Variants in CDC14B observed in about 807,000 individuals in gnomAD.
CDC14B encodes the protein dual specificity protein phosphatase CDC14B.
CDC14B carries 22 observed loss-of-function variants against 64.2 expected under a neutral mutation model. The observed-to-expected ratio is 0.34, with a 90% CI of 0.24 to 0.49. The LOEUF is 0.49. Ranked by LOEUF, CDC14B falls within the 20% of genes least tolerant of loss-of-function variation. The probability of loss-of-function intolerance (pLI) is 0.99; values close to 1 mark genes in which losing one functional copy is unlikely to be tolerated. For missense variants in CDC14B, 498 were observed against 629.9 expected (o/e 0.79, Z 2.24); for synonymous variants, 191 against 215.8 (o/e 0.89, Z 1.01).
At chr9:96,530,273 G>A (rs1022236970) in intron 9 of CDC14B, among the ~76,000 whole-genome samples, 3 of 149,920 alleles carry the variant, frequency 2.0e-5, no homozygotes, top group South Asian at 4.2e-4. Flanking sequence ...GTGTGTGTGC[G>A]TAATCTTGAG....
At chr9:96,605,381 A>T (rs1266348360) in intron 1 of CDC14B, among the ~76,000 whole-genome samples, 2 of 152,090 alleles carry the variant, frequency 1.3e-5, no homozygotes, top group Non-Finnish European at 2.9e-5. Context: ...GCAAGACACA[A>T]GCAGGGGTAA....
intron 5 of CDC14B, among the ~76,000 whole-genome samples, chr9:96,550,039 A>G (rs547061536): frequency 6.6e-6 from 1 of 152,040 alleles, no homozygotes; most frequent in East Asian, 1.9e-4. Flanking sequence ...AAAGATTACC[A>G]TTATAAAGAA....
intron 12 of CDC14B, chr9:96,514,643 T>C: frequency 2.0e-6 from 2 of 985,486 alleles, no homozygotes; most frequent in Non-Finnish European, 2.4e-6. Context: ...AAGGAACTTT[T>C]GCATTCTTTC....
chr9:96,547,692 A>G (rs539564702), intron 5 of CDC14B, among the ~76,000 whole-genome samples: 1 of 152,256 alleles, frequency 6.6e-6, no homozygotes, highest in East Asian at 1.9e-4. Flanking sequence ...GCCTCAAGCT[A>G]TCCTCCTGCC....
chr9:96,563,407 C>T (rs1451677162), intron 3 of CDC14B, among the ~76,000 whole-genome samples: 1 of 152,144 alleles, frequency 6.6e-6, no homozygotes, highest in Non-Finnish European at 1.5e-5. Flanking sequence ...AATCTCAGTA[C>T]TTTAGGAGGC....
rs138925935 is a variant in CDC14B at position 96,543,647 on chromosome 9, G to A, written c.498-1755C>T. Among the ~76,000 whole-genome samples, 365 of 152,122 alleles carry A rather than the reference G, an allele frequency of 2.4e-3. 4 individuals are homozygous for A. The highest frequency in any genetic ancestry group is 8.0e-3 in the African/African-American group (333 of 41,480). On this transcript the variant is annotated intron_variant, in intron 5 of 13. Coordinates refer to ENST00000375241, the MANE Select transcript of CDC14B (RefSeq NM_033331.4). ...TTTACCCAGAGAAATAAGGCACCCC[G>A]ACCCCTACCCTGCTTCTCCTTTTTG... is the stretch of plus-strand genomic sequence containing the variant.
chr9:96,517,165 C>A (rs1295703449), intron 12 of CDC14B, among the ~76,000 whole-genome samples: 1 of 150,258 alleles, frequency 6.7e-6, no homozygotes, highest in Non-Finnish European at 1.5e-5. Flanking sequence ...CATGGTGAAA[C>A]CCCGTCTCTA....
downstream of CDC14B, among the ~76,000 whole-genome samples, chr9:96,498,553 G>A (rs983904805): frequency 4.6e-5 from 7 of 152,322 alleles, no homozygotes; most frequent in South Asian, 6.2e-4. Context: ...AATAGTTTAC[G>A]TGACCTCTTT....
chr9:96,550,800 GA>G (rs1457238122), intron 5 of CDC14B, among the ~76,000 whole-genome samples: 4 of 152,162 alleles, frequency 2.6e-5, no homozygotes, highest in African/African-American at 9.7e-5. Context: ...TAGTCTTCTA[GA>G]AATATCTTCA....
chr9:96,561,242 C>T (rs987211097), intron 4 of CDC14B, among the ~76,000 whole-genome samples: 2 of 152,124 alleles, frequency 1.3e-5, no homozygotes, highest in Non-Finnish European at 2.9e-5. Flanking sequence ...AATAGGAAAA[C>T]AAAACAAAGA....
intron 1 of CDC14B, among the ~76,000 whole-genome samples, chr9:96,568,752 C>T (rs191304426): frequency 1.0e-3 from 154 of 152,106 alleles, no homozygotes; most frequent in African/African-American, 3.5e-3. Context: ...CCTGACTCTA[C>T]TAAAAATACA....
At chr9:96,534,373 G>A in intron 8 of CDC14B, 82 bp downstream of exon 8, 1 of 1,016,844 alleles carries the variant, frequency 9.8e-7, no homozygotes, top group South Asian at 1.4e-5. Context: ...ACTTGGTCAA[G>A]CTTGGTGTAA....
At chr9:96,540,040 ATAGT>A (rs1839823138) in intron 6 of CDC14B, among the ~76,000 whole-genome samples, 1 of 152,264 alleles carries the variant, frequency 6.6e-6, no homozygotes, top group Non-Finnish European at 1.5e-5. Flanking sequence ...TTCATTTTAT[ATAGT>A]TATTTAAACA....
At position 96,534,045 on chromosome 9, in the gene CDC14B, A is replaced by G. The variant is rs1226396790; in HGVS notation, c.828T>C (p.Ala276=). 2.5e-6 allele frequency: 4 copies of G among 1,613,286 alleles called. No homozygotes were observed. The highest frequency in any genetic ancestry group is 2.2e-5 in the East Asian group (1 of 44,882). The change falls in exon 9 of 14, where the codon GCT becomes GCC. Residue 276 remains alanine (A), a synonymous_variant. Coordinates refer to ENST00000375241, the MANE Select transcript of CDC14B (RefSeq NM_033331.4). ...RMYDAKRFTD[A]GFDHHDLFFA... Reference sequence around the variant, plus strand: ...AGAAAAGATCATGGTGATCGAAGCCAGCATCCGTAAAGCGTTTGGCATCAT... The same window carrying G: ...AGAAAAGATCATGGTGATCGAAGCCGGCATCCGTAAAGCGTTTGGCATCAT...
At chr9:96,567,810 AAG>A in intron 1 of CDC14B, among the ~76,000 whole-genome samples, 1 of 152,264 alleles carries the variant, frequency 6.6e-6, no homozygotes, top group East Asian at 1.9e-4. Context: ...AAATAACTAA[AAG>A]AGTACAACCG....
intron 1 of CDC14B, among the ~76,000 whole-genome samples, chr9:96,609,193 T>C (rs28580562): frequency 0.12 from 18,415 of 152,008 alleles, 3,697 homozygotes; most frequent in African/African-American, 0.42. Flanking sequence ...TGAATTCCTG[T>C]CCTCCAGTAA....
intron 1 of CDC14B, among the ~76,000 whole-genome samples, chr9:96,611,332 A>G (rs1390068225): frequency 1.3e-5 from 2 of 152,242 alleles, no homozygotes; most frequent in African/African-American, 4.8e-5. Flanking sequence ...CAATATTTGA[A>G]GATTAGTTAG....
intron 7 of CDC14B, among the ~76,000 whole-genome samples, chr9:96,536,450 G>T (rs763964859): frequency 6.6e-6 from 1 of 152,190 alleles, no homozygotes; most frequent in African/African-American, 2.4e-5. Context: ...GCGCAAAAAA[G>T]GTGTTAATAA....
At chr9:96,543,719 A>T (rs995885138) in intron 5 of CDC14B, among the ~76,000 whole-genome samples, 9 of 152,218 alleles carry the variant, frequency 5.9e-5, no homozygotes, top group African/African-American at 1.2e-4. Flanking sequence ...ATTAGGCAAC[A>T]TAAAAATTAA....
Sources: allele counts gnomAD v4.1 joint callset (sites outside exome capture counted in the v4.1 genomes callset), GRCh38; gene constraint gnomAD v4.1.1; transcripts MANE v1.5; gene names NCBI Gene and HGNC (gene_info 2026-07-23, HGNC 2026-07-21).